The following CTNNBIP1 variants were observed in gnomAD, a reference collection of about 807,000 sequenced individuals.
The protein encoded by CTNNBIP1 is beta-catenin-interacting protein 1.
CTNNBIP1 carries 7 observed loss-of-function variants against 11.8 expected under a neutral mutation model. The ratio of observed to expected loss-of-function variants is 0.60; its 90% CI spans 0.34 to 1.12. The LOEUF is 1.12. Ranked by LOEUF, CTNNBIP1 falls within the 50% of genes most tolerant of loss-of-function variation. The probability of loss-of-function intolerance (pLI) is 0.03; values close to 1 mark genes in which losing one functional copy is unlikely to be tolerated. For synonymous variants in CTNNBIP1, 58 were observed against 43.9 expected, an observed-to-expected ratio of 1.32 and a Z score of -1.26; for missense variants, 101 against 113.4, an observed-to-expected ratio of 0.89 and a Z score of 0.50.
rs1003550049 is a variant in CTNNBIP1 at position 9,850,667 on chromosome 1, A to G, written c.*51T>C. 4 of 1,568,820 alleles carry G rather than the reference A, an allele frequency of 2.5e-6. No homozygotes were observed. The highest frequency in any genetic ancestry group is 1.1e-5 in the South Asian group (1 of 90,198). ...GCCACTCAGCCGGCCCAGGAGCCAC[A>G]CAGATCTCTTGGCCCTCAACAGCAT... On this transcript the variant is annotated 3_prime_UTR_variant, in exon 6 of 6. Coordinates refer to ENST00000377263, the MANE Select transcript of CTNNBIP1 (RefSeq NM_020248.3).
chr1:9,884,383 G>A (rs1196215009), intron 1 of CTNNBIP1, among the ~76,000 whole-genome samples: 1 of 152,108 alleles, frequency 6.6e-6, no homozygotes, highest in Non-Finnish European at 1.5e-5. Context: ...CAAGGGAGGA[G>A]GGAAGACAGC....
intron 1 of CTNNBIP1, among the ~76,000 whole-genome samples, chr1:9,899,837 G>A (rs1639486490): frequency 6.6e-6 from 1 of 152,166 alleles, no homozygotes; most frequent in African/African-American, 2.4e-5. Flanking sequence ...ACTTTGGGAG[G>A]CCGAGGTGGG....
intron 2 of CTNNBIP1, among the ~76,000 whole-genome samples, chr1:9,879,435 C>A (rs889814255): frequency 6.6e-6 from 1 of 152,056 alleles, no homozygotes; most frequent in Non-Finnish European, 1.5e-5. Flanking sequence ...CCAGAGAAAG[C>A]GGGATTTCAA....
At chr1:9,866,948 G>A (rs917457565) in intron 5 of CTNNBIP1, among the ~76,000 whole-genome samples, 1 of 152,110 alleles carries the variant, frequency 6.6e-6, no homozygotes, top group Non-Finnish European at 1.5e-5. Context: ...GAGAGGAGTC[G>A]AGGCTGAGTC....
rs370863810 is a variant in CTNNBIP1 at position 9,871,942 on chromosome 1, G to A, written c.96+27C>T. On this transcript the variant is annotated intron_variant, in intron 4 of 5. Transcript: ENST00000377263. This position sits in a 1 kb window ranked among gnomAD's most constrained non-coding sequence, Gnocchi z 5.2. Reference sequence around the variant, plus strand: ...CCTGGGAGACCCTCCCTGGGGGCCCGCTGCCTGACACCCCACAGGCACTCA... The same window carrying A: ...CCTGGGAGACCCTCCCTGGGGGCCCACTGCCTGACACCCCACAGGCACTCA... 15 of 1,591,858 alleles carry A rather than the reference G, an allele frequency of 9.4e-6. No individual in the cohort carries two copies. The highest frequency in any genetic ancestry group is 2.2e-5 in the East Asian group (1 of 44,772).
At chr1:9,878,667 G>A (rs974999842) in intron 2 of CTNNBIP1, among the ~76,000 whole-genome samples, 2 of 152,208 alleles carry the variant, frequency 1.3e-5, no homozygotes, top group Non-Finnish European at 2.9e-5. Flanking sequence ...CAGGTCACCT[G>A]CACAGGTTAA....
intron 5 of CTNNBIP1, among the ~76,000 whole-genome samples, chr1:9,855,108 T>C (rs1379983111): frequency 2.6e-5 from 4 of 152,250 alleles, no homozygotes; most frequent in Admixed American, 6.5e-5. Context: ...ATTCCACTTA[T>C]AATTGCATTA....
chr1:9,893,162 T>C (rs1048735899), intron 1 of CTNNBIP1: 3 of 151,896 alleles, frequency 2.0e-5, no homozygotes, highest in Non-Finnish European at 2.9e-5. Context: ...CCTGATACAA[T>C]AGGAATCCAC....
intron 5 of CTNNBIP1, among the ~76,000 whole-genome samples, chr1:9,865,064 A>T (rs1638714220): frequency 6.6e-6 from 1 of 151,836 alleles, no homozygotes; most frequent in Non-Finnish European, 1.5e-5. Context: ...CCCCATCCCT[A>T]CTAAATATAC....
At chr1:9,902,893 G>T (rs1407295989) in intron 1 of CTNNBIP1, among the ~76,000 whole-genome samples, 1 of 152,092 alleles carries the variant, frequency 6.6e-6, no homozygotes, top group African/African-American at 2.4e-5. Flanking sequence ...AGCCTCCCGA[G>T]TAGCTGGGAC....
Position 9,904,901 on chromosome 1 carries a change from A to G in CTNNBIP1, c.-144+5194T>C, listed in dbSNP as rs904776331. Among the ~76,000 whole-genome samples the G allele has an allele frequency of 6.6e-5, 10 of 152,168 alleles. No individual in the cohort carries two copies. In the East Asian group the frequency reaches 1.7e-3, roughly 26 times the overall value. On this transcript the variant is annotated intron_variant, in intron 1 of 5. Coordinates refer to ENST00000377263, the MANE Select transcript of CTNNBIP1 (RefSeq NM_020248.3). The stretch of plus-strand genomic sequence containing the variant: ...TGACTTAGGGACTCGGAAAAAAGGA[A>G]GCTCAATAAAATGCAGGACACACAG...
chr1:9,877,851 C>G (rs769929361), intron 3 of CTNNBIP1, 54 bp downstream of exon 3: 1 of 152,694 alleles, frequency 6.5e-6, no homozygotes, highest in Non-Finnish European at 1.5e-5. Context: ...CCTCACCCCC[C>G]ACCCCACACT....
At chr1:9,880,141 C>G (rs959712890) in intron 2 of CTNNBIP1, among the ~76,000 whole-genome samples, 8 of 151,860 alleles carry the variant, frequency 5.3e-5, no homozygotes, top group Non-Finnish European at 1.0e-4. Context: ...CCCCAGCCCC[C>G]CAACAGGCCC....
At chr1:9,886,169 C>T (rs1312681631) in intron 1 of CTNNBIP1, among the ~76,000 whole-genome samples, 1 of 152,176 alleles carries the variant, frequency 6.6e-6, no homozygotes, top group African/African-American at 2.4e-5. Flanking sequence ...CCCCAGCTGG[C>T]TCAGAGGAAT....
chr1:9,860,527 T>C (rs1419606484), intron 5 of CTNNBIP1, among the ~76,000 whole-genome samples: 2 of 149,906 alleles, frequency 1.3e-5, no homozygotes, highest in Non-Finnish European at 3.0e-5. Context: ...GGAGAGTCGC[T>C]TGAACCTGGG....
intron 3 of CTNNBIP1, among the ~76,000 whole-genome samples, chr1:9,874,067 C>G (rs1353719712): frequency 6.6e-6 from 1 of 152,190 alleles, no homozygotes. Context: ...TGCCAAGACC[C>G]TGCCAGGGCT....
rs764885494 is a variant in CTNNBIP1, at chr1:9,850,799, C to T, written c.188-23G>A. On this transcript the variant is annotated intron_variant, in intron 5 of 5. Transcript: ENST00000377263. ...CACCTGCAGATAAGGCGACAAGGAT[C>T]GCTGATGGGGCTTGCAGCATTGGCT... 51 of 1,612,216 alleles carry T rather than the reference C, an allele frequency of 3.2e-5. No individual in the cohort carries two copies. In the Admixed American group the frequency reaches 7.0e-4, roughly 22 times the overall value.
At chr1:9,862,157 A>G (rs1638644853) in intron 5 of CTNNBIP1, among the ~76,000 whole-genome samples, 1 of 152,174 alleles carries the variant, frequency 6.6e-6, no homozygotes, top group Admixed American at 6.5e-5. Flanking sequence ...GCTCTCATAG[A>G]CCAGGGAGCT....
At chr1:9,885,149 C>G (rs1420223991) in intron 1 of CTNNBIP1, among the ~76,000 whole-genome samples, 1 of 152,160 alleles carries the variant, frequency 6.6e-6, no homozygotes, top group Non-Finnish European at 1.5e-5. Flanking sequence ...GGGTTCAAGG[C>G]AGCCAGCTGG....
Sources: allele counts gnomAD v4.1 joint callset (sites outside exome capture counted in the v4.1 genomes callset), GRCh38; gene constraint gnomAD v4.1.1; non-coding constraint Gnocchi (gnomAD v3.1); transcripts MANE v1.5; gene names NCBI Gene and HGNC (gene_info 2026-07-23, HGNC 2026-07-21).